The following CACNA1C variants were observed in gnomAD, a reference collection of about 807,000 sequenced individuals.
CACNA1C encodes calcium voltage-gated channel subunit alpha1 C.
In CACNA1C, 30 loss-of-function variants were observed where a neutral mutation model predicts 229.0. That is an observed-to-expected ratio of 0.13 (90% CI 0.10 to 0.18). CACNA1C has a LOEUF of 0.18. Ranked by LOEUF, CACNA1C falls within the 10% of genes least tolerant of loss-of-function variation. CACNA1C has a pLI of 1.00. For missense variants in CACNA1C, 1,658 were observed against 2,845.0 expected, an observed-to-expected ratio of 0.58 and a Z score of 9.49; for synonymous variants, 1,114 against 1,132.5, an observed-to-expected ratio of 0.98 and a Z score of 0.33.
At chr12:2,021,696 CT>C (rs1465508859) in intron 1 of CACNA1C, among the ~76,000 whole-genome samples, 2 of 151,976 alleles carry the variant, frequency 1.3e-5, no homozygotes, top group Non-Finnish European at 2.9e-5. Flanking sequence ...AAAAAGACAT[CT>C]TTTCTCTCAC....
intron 3 of CACNA1C, among the ~76,000 whole-genome samples, chr12:2,397,232 A>G (rs950263110): frequency 6.6e-6 from 1 of 152,258 alleles, no homozygotes; most frequent in Non-Finnish European, 1.5e-5. Context: ...AGTGTTATCC[A>G]TCAAGAAGAG....
At chr12:2,295,941 C>T (rs2093997284) in intron 3 of CACNA1C, among the ~76,000 whole-genome samples, 1 of 152,236 alleles carries the variant, frequency 6.6e-6, no homozygotes, top group Non-Finnish European at 1.5e-5. Context: ...GACCACGTTG[C>T]TTCCTTATCC....
At chr12:2,642,494 T>C (rs1360149020) in intron 30 of CACNA1C, among the ~76,000 whole-genome samples, 1 of 152,230 alleles carries the variant, frequency 6.6e-6, no homozygotes, top group East Asian at 1.9e-4. Flanking sequence ...GAAGATGCCA[T>C]GAGCTGGTAG....
At chr12:2,118,672 T>A (rs970093713) in intron 2 of CACNA1C, among the ~76,000 whole-genome samples, 2 of 152,196 alleles carry the variant, frequency 1.3e-5, no homozygotes, top group African/African-American at 4.8e-5. Flanking sequence ...TTGGCAGAGG[T>A]CAGCTTCTGT....
At chr12:2,652,198 C>T (rs901837927) in intron 32 of CACNA1C, among the ~76,000 whole-genome samples, 1 of 152,188 alleles carries the variant, frequency 6.6e-6, no homozygotes, top group Non-Finnish European at 1.5e-5. Flanking sequence ...TCCCCGTAGG[C>T]GTTTCAGCAG....
intron 15 of CACNA1C, 22 bp downstream of exon 15, chr12:2,582,964 C>T (rs112702550): frequency 5.2e-6 from 8 of 1,534,116 alleles, no homozygotes; most frequent in African/African-American, 4.1e-5. Flanking sequence ...TGCTGCCCCC[C>T]ACCCCTGCGG....
At chr12:2,180,153 G>A (rs1303937105) in intron 3 of CACNA1C, among the ~76,000 whole-genome samples, 1 of 152,234 alleles carries the variant, frequency 6.6e-6, no homozygotes, top group Non-Finnish European at 1.5e-5. Context: ...GTAGATGGAT[G>A]GATGAAGCCT....
At chr12:2,000,388 A>C (rs2041915513) in intron 1 of CACNA1C, among the ~76,000 whole-genome samples, 1 of 152,110 alleles carries the variant, frequency 6.6e-6, no homozygotes, top group Admixed American at 6.5e-5. Flanking sequence ...GGATATCTAT[A>C]TATATCAGCA....
intron 3 of CACNA1C, among the ~76,000 whole-genome samples, chr12:2,293,057 GTAT>G (rs2093671247): frequency 6.6e-6 from 1 of 151,974 alleles, no homozygotes; most frequent in African/African-American, 2.4e-5. Context: ...ACACTTGTGT[GTAT>G]TATTTGGTTG....
chr12:2,533,544 CA>C (rs1389209658), intron 9 of CACNA1C, among the ~76,000 whole-genome samples: 1 of 152,048 alleles, frequency 6.6e-6, no homozygotes, highest in African/African-American at 2.4e-5. Context: ...AGTCCCCAGC[CA>C]TGTTCCCTCC....
Position 2,607,121 on chromosome 12 carries a change from G to C in CACNA1C, c.3347G>C (p.Gly1116Ala), listed in dbSNP as rs878854141. Residue 1116 changes from glycine to alanine, a missense_variant, in exon 26 of 47, where the codon GGG (glycine) becomes GCG (alanine). Transcript: ENST00000399655. Reference sequence around the variant, plus strand: ...CTCTTCACCGTCTCCACCTTCGAAGGGTGGCCAGAGTGAGTATGCAAAGCA... The same window carrying C: ...CTCTTCACCGTCTCCACCTTCGAAGCGTGGCCAGAGTGAGTATGCAAAGCA... ...MALFTVSTFE[G>A]WPELLYRSID... 2 of 1,612,212 alleles carry C rather than the reference G, an allele frequency of 1.2e-6. No homozygotes were observed. Among genetic ancestry groups the C allele is most frequent in the African/African-American group, 1.3e-5 (1 of 75,006 alleles).
chr12:2,397,448 C>T (rs1595179885), intron 3 of CACNA1C, among the ~76,000 whole-genome samples: 2 of 152,244 alleles, frequency 1.3e-5, no homozygotes, highest in South Asian at 4.1e-4. Context: ...GGAGCTTTCA[C>T]GCTCTAGGAG....
intron 3 of CACNA1C, among the ~76,000 whole-genome samples, chr12:2,350,348 A>G (rs1478108562): frequency 6.6e-6 from 1 of 152,292 alleles, no homozygotes; most frequent in East Asian, 1.9e-4. Context: ...CAGCCTTGTT[A>G]GGTAGGAGAC....
chr12:1,986,106 C>A (rs1226095691), intron 1 of CACNA1C, among the ~76,000 whole-genome samples: 1 of 152,246 alleles, frequency 6.6e-6, no homozygotes, highest in Non-Finnish European at 1.5e-5. Context: ...AGCCACTGCG[C>A]CCAGCCGTCA....
Position 2,553,320 on chromosome 12 carries a change from G to A in CACNA1C, c.1481+3287G>A, listed in dbSNP as rs1368233392. 2.6e-5 allele frequency among the ~76,000 whole-genome samples: 4 copies of A among 152,226 alleles called. No individual in the cohort carries two copies. The East Asian group carries it at 5.8e-4, about 22-fold the overall frequency. ...GAGAAACTGCAAACCGTAGGTCCAT[G>A]TGGTATCTAAGGGTCCCTTCCAGTT... On this transcript the variant is annotated intron_variant, in intron 10 of 46. Transcript: ENST00000399655.
Position 2,295,539 on chromosome 12 carries a change from A to G in CACNA1C, c.478-153437A>G, listed in dbSNP as rs539456251. Among the ~76,000 whole-genome samples the G allele has an allele frequency of 2.6e-5, 4 of 152,316 alleles. No individual in the cohort carries two copies. The East Asian group carries it at 5.8e-4, about 22-fold the overall frequency. On this transcript the variant is annotated intron_variant, in intron 3 of 46. Coordinates refer to ENST00000399655, the MANE Select transcript of CACNA1C (RefSeq NM_000719.7). ...CCAGTACCTAGCAGAATTCTAAAAA[A>G]CAGCCATTCAGTGAATGTGTATTGA...
At chr12:2,055,055 G>A (rs2054135463) in intron 1 of CACNA1C, among the ~76,000 whole-genome samples, 1 of 152,380 alleles carries the variant, frequency 6.6e-6, no homozygotes, top group South Asian at 2.1e-4. Flanking sequence ...ATGGGTGGCA[G>A]CTTGGGGATT....
intron 1 of CACNA1C, among the ~76,000 whole-genome samples, chr12:1,996,352 C>A (rs1221152015): frequency 6.6e-6 from 1 of 151,878 alleles, no homozygotes; most frequent in Non-Finnish European, 1.5e-5. Flanking sequence ...TACTATAAAC[C>A]AGTATAAGCC....
At chr12:2,640,649 G>A (rs1413573076) in intron 30 of CACNA1C, among the ~76,000 whole-genome samples, 1 of 152,204 alleles carries the variant, frequency 6.6e-6, no homozygotes, top group African/African-American at 2.4e-5. Context: ...AGGGCAGAGA[G>A]TGTCCAGGGA....
Sources: allele counts gnomAD v4.1 joint callset (sites outside exome capture counted in the v4.1 genomes callset), GRCh38; gene constraint gnomAD v4.1.1; transcripts MANE v1.5; gene names NCBI Gene and HGNC (gene_info 2026-07-23, HGNC 2026-07-21).